The following AGBL1 variants were observed in gnomAD, a reference collection of about 807,000 sequenced individuals.
AGBL1 encodes the protein cytosolic carboxypeptidase 4.
In AGBL1, 130 loss-of-function variants were observed where a neutral mutation model predicts 118.9. The ratio of observed to expected loss-of-function variants is 1.09; its 90% CI spans 0.95 to 1.26. AGBL1 has a LOEUF of 1.26. Ranked by LOEUF, AGBL1 falls within the 50% of genes most tolerant of loss-of-function variation. The pLI is 0.00. For missense variants in AGBL1, 1,584 were observed against 1,298.1 expected (o/e 1.22, Z -3.38); for synonymous variants, 555 against 478.9 (o/e 1.16, Z -2.08).
chr15:86,084,420 A>T (rs981140248), intron 1 of AGBL1, among the ~76,000 whole-genome samples: 3 of 152,192 alleles, frequency 2.0e-5, no homozygotes, highest in African/African-American at 7.2e-5. Context: ...TGTGAGGAAG[A>T]TGTGGTTATT....
At chr15:86,105,649 C>T (rs1016135065) in intron 1 of AGBL1, among the ~76,000 whole-genome samples, 4 of 152,164 alleles carry the variant, frequency 2.6e-5, no homozygotes, top group African/African-American at 9.7e-5. Context: ...AGCCCTTTTT[C>T]TATTTTCCGG....
At chr15:86,516,289 A>G (rs889206126) in intron 18 of AGBL1, among the ~76,000 whole-genome samples, 2 of 152,182 alleles carry the variant, frequency 1.3e-5, no homozygotes, top group Non-Finnish European at 2.9e-5. Context: ...CTATCTTTGT[A>G]GCTATCTTAT....
At chr15:86,929,261 CT>C (rs2080579277) in intron 23 of AGBL1, among the ~76,000 whole-genome samples, 1 of 152,132 alleles carries the variant, frequency 6.6e-6, no homozygotes, top group Admixed American at 6.5e-5. Flanking sequence ...TCTGGTCTGG[CT>C]TTTTTAAATG....
At chr15:86,503,998 C>G (rs984458626) in intron 18 of AGBL1, among the ~76,000 whole-genome samples, 1 of 151,520 alleles carries the variant, frequency 6.6e-6, no homozygotes, top group African/African-American at 2.4e-5. Flanking sequence ...TCTAGTTGTT[C>G]TATCCATTAC....
intron 22 of AGBL1, among the ~76,000 whole-genome samples, chr15:86,832,723 A>G (rs2079122462): frequency 6.6e-6 from 1 of 152,152 alleles, no homozygotes; most frequent in South Asian, 2.1e-4. Context: ...GAAGTTTCAA[A>G]CTTTCCCACA....
chr15:86,634,039 C>T (rs1314964044), intron 21 of AGBL1, among the ~76,000 whole-genome samples: 1 of 151,652 alleles, frequency 6.6e-6, no homozygotes, highest in Non-Finnish European at 1.5e-5. Flanking sequence ...ATTAAAATGG[C>T]TGAAATAAAA....
chr15:86,845,251 C>T (rs2079302151), intron 22 of AGBL1, among the ~76,000 whole-genome samples: 1 of 151,976 alleles, frequency 6.6e-6, no homozygotes, highest in South Asian at 2.1e-4. Flanking sequence ...GGAAAATTGT[C>T]ATCTTAATAT....
chr15:86,477,964 A>T (rs550576706), intron 18 of AGBL1, among the ~76,000 whole-genome samples: 1 of 152,216 alleles, frequency 6.6e-6, no homozygotes, highest in East Asian at 1.9e-4. Flanking sequence ...GCATATAAAC[A>T]GAATGAAAGA....
At chr15:86,964,420 AC>A (rs564701773) in intron 23 of AGBL1, among the ~76,000 whole-genome samples, 18 of 152,052 alleles carry the variant, frequency 1.2e-4, no homozygotes, top group Admixed American at 3.9e-4. Context: ...CACTGTGATA[AC>A]AAAAAATGTG....
At chr15:86,099,339 T>C (rs1270561513) in intron 1 of AGBL1, among the ~76,000 whole-genome samples, 1 of 152,222 alleles carries the variant, frequency 6.6e-6, no homozygotes, top group Non-Finnish European at 1.5e-5. Context: ...GCTTTCTTGA[T>C]GTAGTTTTTT....
chr15:86,123,767 C>A (rs1224947122), intron 1 of AGBL1, among the ~76,000 whole-genome samples: 1 of 152,208 alleles, frequency 6.6e-6, no homozygotes, highest in Non-Finnish European at 1.5e-5. Context: ...TGTAGCCTGA[C>A]CACCTTGAGC....
rs1322072587 is a variant in AGBL1, at chr15:86,881,819, A to G, written c.3159-25268A>G. ...CCCGACTAATTTTTGTATTTTTAGT[A>G]GAGATGGAGTTTTGCCATGTGGGCT... On this transcript the variant is annotated intron_variant, in intron 22 of 22. Coordinates refer to ENST00000614907, the MANE Select transcript of AGBL1 (RefSeq NM_001386094.1). Among the ~76,000 whole-genome samples, 2 of 152,154 alleles carry G rather than the reference A, an allele frequency of 1.3e-5. 1 individual carries two copies. Among genetic ancestry groups the G allele is most frequent in the East Asian group, 3.9e-4 (2 of 5,178 alleles).
In AGBL1 at chr15:86,594,275, CT is replaced by C. The variant is rs1274426337; in HGVS notation, c.2994+39742del. 3.3e-5 allele frequency among the ~76,000 whole-genome samples: 5 copies of C among 152,178 alleles called. No individual in the cohort carries two copies. The South Asian group carries it at 8.3e-4, about 25-fold the overall frequency. On this transcript the variant is annotated intron_variant, in intron 21 of 22. Coordinates refer to ENST00000614907, the MANE Select transcript of AGBL1 (RefSeq NM_001386094.1). The stretch of plus-strand genomic sequence containing the variant: ...AACATATTTGTTCATGATTTATTAT[CT>C]TTTCATATGTTGCTAGAGTCATTTT...
chr15:86,124,568 T>C (rs1263285471), intron 1 of AGBL1, among the ~76,000 whole-genome samples: 1 of 152,176 alleles, frequency 6.6e-6, no homozygotes, highest in African/African-American at 2.4e-5. Context: ...TAAAGATTTT[T>C]TCTCTCCACG....
At chr15:86,291,674 T>C (rs1378280989) in intron 16 of AGBL1, among the ~76,000 whole-genome samples, 1 of 152,126 alleles carries the variant, frequency 6.6e-6, no homozygotes, top group Non-Finnish European at 1.5e-5. Context: ...TTAGGTTGAG[T>C]GGGACATATC....
chr15:86,975,354 A>G (rs1418541541), intron 23 of AGBL1, among the ~76,000 whole-genome samples: 1 of 151,942 alleles, frequency 6.6e-6, no homozygotes, highest in Non-Finnish European at 1.5e-5. Flanking sequence ...CCTTTATACA[A>G]AAATCAGATC....
intron 22 of AGBL1, among the ~76,000 whole-genome samples, chr15:86,830,768 T>C (rs1354575319): frequency 6.6e-6 from 1 of 152,184 alleles, no homozygotes; most frequent in African/African-American, 2.4e-5. Context: ...ACTTAATAGG[T>C]ACTCCAGGCT....
intron 23 of AGBL1, among the ~76,000 whole-genome samples, chr15:86,944,333 T>G (rs983034647): frequency 6.6e-6 from 1 of 152,002 alleles, no homozygotes; most frequent in African/African-American, 2.4e-5. Context: ...GAGCTGAGAT[T>G]GTGCCACTGC....
chr15:86,403,683 A>G (rs1268430055), intron 18 of AGBL1, among the ~76,000 whole-genome samples: 1 of 152,180 alleles, frequency 6.6e-6, no homozygotes, highest in African/African-American at 2.4e-5. Flanking sequence ...TAGGTGTTCT[A>G]TGCAATTTCT....
Sources: allele counts gnomAD v4.1 joint callset (sites outside exome capture counted in the v4.1 genomes callset), GRCh38; gene constraint gnomAD v4.1.1; transcripts MANE v1.5; gene names NCBI Gene and HGNC (gene_info 2026-07-23, HGNC 2026-07-21).